Variants in PRKD3 observed in about 807,000 individuals in gnomAD.
PRKD3 encodes protein kinase D3.
A neutral mutation model predicts 99.2 loss-of-function variants in PRKD3; 47 were observed. The ratio of observed to expected loss-of-function variants is 0.47; its 90% CI spans 0.38 to 0.60. The LOEUF is 0.60. PRKD3 is among the 20% of genes least tolerant of loss of function. The probability of loss-of-function intolerance (pLI) is 0.00; values close to 1 mark genes in which losing one functional copy is unlikely to be tolerated. For synonymous variants in PRKD3, 392 were observed against 355.4 expected, an observed-to-expected ratio of 1.10 and a Z score of -1.16; for missense variants, 1,019 against 1,088.4, an observed-to-expected ratio of 0.94 and a Z score of 0.90.
rs1344093162 is a variant in PRKD3, at chr2:37,260,304, C to G, written c.1965G>C (p.Leu655=). 5 of 1,608,984 alleles carry G rather than the reference C, an allele frequency of 3.1e-6. No individual in the cohort carries two copies. The highest frequency in any genetic ancestry group is 2.6e-6 in the Non-Finnish European group (3 of 1,175,442). Reference sequence around the variant, plus strand: ...GAATCATTTCCAACATATCTCCATGCAGCTTTTCCATTACTACAAAGACTC... The same window carrying G: ...GAATCATTTCCAACATATCTCCATGGAGCTTTTCCATTACTACAAAGACTC... ...PERVFVVMEK[L]HGDMLEMILS... Residue 655 remains leucine (L), a synonymous_variant, in exon 15 of 19, where the codon CTG becomes CTC. Coordinates refer to ENST00000234179, the MANE Select transcript of PRKD3 (RefSeq NM_005813.6).
At chr2:37,283,404 ATAACTT>A (rs1157960927) in intron 6 of PRKD3, among the ~76,000 whole-genome samples, 2 of 152,342 alleles carry the variant, frequency 1.3e-5, no homozygotes, top group Middle Eastern at 3.4e-3. Context: ...CTGGGTAAAA[ATAACTT>A]TAAGTCCTGA....
chr2:37,282,566 G>A lies in PRKD3; in HGVS notation c.964C>T (p.Leu322Phe), dbSNP rs1572659456. 8.1e-6 allele frequency: 13 copies of A among 1,599,642 alleles called. No individual in the cohort carries two copies. Among genetic ancestry groups the A allele is most frequent in the Non-Finnish European group, 1.1e-5 (13 of 1,167,098 alleles). ...CCTCCATTGAAAGTAACCTCTCCAAGGCAGTCTCTTGGTACTTTTGATGCA... is the reference window on the plus strand; with the variant it reads ...CCTCCATTGAAAGTAACCTCTCCAAAGCAGTCTCTTGGTACTTTTGATGCA... Reference protein sequence around the residue: ...RCASKVPRDCLGEVTFNGEPS... With the variant: ...RCASKVPRDCFGEVTFNGEPS... The change falls in exon 7 of 19, where the codon CTT becomes TTT. Residue 322 changes from leucine (L) to phenylalanine (F), a missense_variant. This residue lies in a region of PRKD3 where 710 missense variants were observed against 692.7 expected (regional missense o/e 1.02). Transcript: ENST00000234179.
At chr2:37,296,899 C>CAAAA (rs748730644) in intron 2 of PRKD3, among the ~76,000 whole-genome samples, 38 of 48,100 alleles carry the variant, frequency 7.9e-4, no homozygotes, top group South Asian at 2.0e-3. Flanking sequence ...GACTCTGTCT[C>CAAAA]AAAAAAAAAA....
chr2:37,255,784 T>C (rs143682107), intron 17 of PRKD3, among the ~76,000 whole-genome samples: 1 of 152,210 alleles, frequency 6.6e-6, no homozygotes, highest in African/African-American at 2.4e-5. Context: ...GTTGGGAAGA[T>C]CAATTGAGTG....
chr2:37,306,640 C>T (rs1259778951), intron 2 of PRKD3, among the ~76,000 whole-genome samples: 3 of 152,056 alleles, frequency 2.0e-5, no homozygotes, highest in Non-Finnish European at 2.9e-5. Flanking sequence ...GAAACCCCAT[C>T]TGTACAAAAA....
At chr2:37,323,569 C>G (rs1671973222) in intron 1 of PRKD3, among the ~76,000 whole-genome samples, 1 of 152,068 alleles carries the variant, frequency 6.6e-6, no homozygotes, top group Admixed American at 6.6e-5. Flanking sequence ...CAAGGAAAAA[C>G]TGGCCTAGAT....
intron 18 of PRKD3, 54 bp from the exon 19 acceptor site, chr2:37,253,404 C>A: frequency 2.0e-6 from 3 of 1,485,644 alleles, no homozygotes; most frequent in Non-Finnish European, 2.7e-6. Context: ...ATACTGTCAA[C>A]CTGGTTTTTG....
chr2:37,284,797 A>T (rs543040468), intron 6 of PRKD3, among the ~76,000 whole-genome samples: 1 of 152,086 alleles, frequency 6.6e-6, no homozygotes, highest in African/African-American at 2.4e-5. Flanking sequence ...TATTATTATT[A>T]TTTTTTAATT....
intron 2 of PRKD3, among the ~76,000 whole-genome samples, chr2:37,307,987 A>T (rs566618460): frequency 2.3e-4 from 35 of 152,320 alleles, no homozygotes; most frequent in Non-Finnish European, 5.0e-4. Context: ...AAATTTTACC[A>T]TGCTCTCCCC....
At chr2:37,257,081 C>T in intron 16 of PRKD3, 152 bp from the exon 17 acceptor site, 1 of 936,822 alleles carries the variant, frequency 1.1e-6, no homozygotes, top group Non-Finnish European at 1.6e-6. Flanking sequence ...TGTAAAATAT[C>T]CTTTTCTCAA....
At chr2:37,278,569 T>A in intron 8 of PRKD3, 1 of 152,272 alleles carries the variant, frequency 6.6e-6, no homozygotes, top group East Asian at 1.9e-4. Context: ...ATGCATAAAA[T>A]ACACTGTTTT....
chr2:37,256,633 T>A (rs775115049), intron 17 of PRKD3, 29 bp downstream of exon 17: 7,222 of 205,060 alleles, frequency 0.035, 87 homozygotes, highest in African/African-American at 0.11. Flanking sequence ...CCAAAATTTT[T>A]TTTTTTTTTT....
intron 14 of PRKD3, 99 bp downstream of exon 14, chr2:37,267,330 TC>T (rs1451525784): frequency 2.6e-6 from 2 of 770,146 alleles, no homozygotes; most frequent in African/African-American, 1.8e-5. Context: ...ATTACCATAA[TC>T]TAATTTTGCC....
intron 10 of PRKD3, among the ~76,000 whole-genome samples, chr2:37,275,212 A>G (rs1020698132): frequency 3.9e-5 from 6 of 152,176 alleles, no homozygotes; most frequent in Middle Eastern, 3.4e-3. Context: ...CTTACTAAAA[A>G]CAAACAAACA....
At chr2:37,253,928 ATAAAT>A (rs1667727282) in intron 18 of PRKD3, among the ~76,000 whole-genome samples, 1 of 152,226 alleles carries the variant, frequency 6.6e-6, no homozygotes, top group Non-Finnish European at 1.5e-5. Context: ...AATAAATTTG[ATAAAT>A]TAATATGTCA....
chr2:37,305,307 G>A (rs1286671850), intron 2 of PRKD3, among the ~76,000 whole-genome samples: 1 of 152,144 alleles, frequency 6.6e-6, no homozygotes, highest in Admixed American at 6.5e-5. Context: ...CACGTAAATC[G>A]TCAAAACTAA....
chr2:37,301,610 T>C (rs1236415829), intron 2 of PRKD3, among the ~76,000 whole-genome samples: 1 of 152,084 alleles, frequency 6.6e-6, no homozygotes, highest in African/African-American at 2.4e-5. Flanking sequence ...TTAATTACAT[T>C]TGTGACTCTG....
intron 4 of PRKD3, 134 bp from the exon 5 acceptor site, chr2:37,289,647 A>G: frequency 5.8e-6 from 4 of 693,294 alleles, no homozygotes; most frequent in Non-Finnish European, 9.1e-6. Flanking sequence ...AAGAACCCAG[A>G]CAGCAGGCTA....
intron 16 of PRKD3, 23 bp downstream of exon 16, chr2:37,259,560 A>G: frequency 6.4e-7 from 1 of 1,562,264 alleles, no homozygotes; most frequent in South Asian, 1.1e-5. Context: ...GAATCATTTA[A>G]AAGGTTCTGG....
Sources: gnomAD v4.1 joint callset for allele counts (sites outside exome capture counted in the v4.1 genomes callset) on GRCh38, gnomAD v4.1.1 for gene constraint, gnomAD v4.1.1 regional missense constraint, MANE v1.5 for transcripts, NCBI Gene and HGNC (gene_info 2026-07-23, HGNC 2026-07-21) for gene names.